Variants in ARFGAP3 observed in about 807,000 individuals in gnomAD.
The protein encoded by ARFGAP3 is ADP-ribosylation factor GTPase-activating protein 3.
ARFGAP3 carries 72 observed loss-of-function variants against 75.0 expected under a neutral mutation model. The ratio of observed to expected loss-of-function variants is 0.96; its 90% confidence interval spans 0.79 to 1.17. The LOEUF is 1.17. Ranked by LOEUF, ARFGAP3 falls within the 50% of genes most tolerant of loss-of-function variation. The probability of loss-of-function intolerance (pLI) is 0.00; values close to 1 mark genes in which losing one functional copy is unlikely to be tolerated. For missense variants in ARFGAP3, 620 were observed against 626.6 expected (o/e 0.99, Z 0.11); for synonymous variants, 221 against 217.9 (o/e 1.01, Z -0.13).
intron 1 of ARFGAP3, among the ~76,000 whole-genome samples, chr22:42,854,651 A>G (rs1359116930): frequency 6.6e-6 from 1 of 152,086 alleles, no homozygotes; most frequent in Non-Finnish European, 1.5e-5. Context: ...AAGAAAAAGA[A>G]AAAAGAGAAT....
At chr22:42,807,051 G>A (rs1421145781) in intron 14 of ARFGAP3, 22 bp downstream of exon 14, 4 of 1,592,912 alleles carry the variant, frequency 2.5e-6, no homozygotes, top group East Asian at 2.2e-5. Flanking sequence ...ACAGAGACCA[G>A]CTCTTGTTCA....
At chr22:42,852,214 A>G (rs1222307598) in intron 1 of ARFGAP3, among the ~76,000 whole-genome samples, 2 of 124,360 alleles carry the variant, frequency 1.6e-5, no homozygotes, top group Non-Finnish European at 3.2e-5. Context: ...GCCACCATGC[A>G]TGGCTAATTT....
chr22:42,797,469 A>C lies in ARFGAP3; in HGVS notation c.*119T>G. 1 of 1,239,548 alleles carries C rather than the reference A, an allele frequency of 8.1e-7. No individual in the cohort carries two copies. Among genetic ancestry groups the C allele is most frequent in the Non-Finnish European group, 1.2e-6 (1 of 846,984 alleles). The allele number at this position is 1,239,548 out of a possible 1,614,324, so 76.8% of individuals were successfully genotyped here. A position where few individuals can be genotyped will look rare whatever the true frequency, so the allele number is the denominator to read the frequency against. On this transcript the variant is annotated 3_prime_UTR_variant, in exon 16 of 16. Coordinates refer to ENST00000263245, the MANE Select transcript of ARFGAP3 (RefSeq NM_014570.5). ...ATATTAAAAATCAGAAACATATACC[A>C]TATGAAAAAGTAGCAAAACAATCTG... is the stretch of plus-strand genomic sequence containing the variant.
chr22:42,827,633 C>G (rs1177572744), intron 6 of ARFGAP3, among the ~76,000 whole-genome samples: 1 of 152,082 alleles, frequency 6.6e-6, no homozygotes, highest in African/African-American at 2.4e-5. Flanking sequence ...CCCGAAGTGC[C>G]AGGATTACAG....
chr22:42,855,052 T>C (rs1263091746), intron 1 of ARFGAP3, among the ~76,000 whole-genome samples: 1 of 152,224 alleles, frequency 6.6e-6, no homozygotes, highest in Non-Finnish European at 1.5e-5. Flanking sequence ...TTTCTTGGAT[T>C]ATTCCATTTA....
intron 13 of ARFGAP3, among the ~76,000 whole-genome samples, chr22:42,808,222 A>C (rs1925211189): frequency 2.0e-5 from 3 of 151,606 alleles, no homozygotes; most frequent in Admixed American, 2.0e-4. Flanking sequence ...ATATGGTGAA[A>C]CCTCATCTCT....
At chr22:42,838,196 T>C (rs142371056) in intron 3 of ARFGAP3, among the ~76,000 whole-genome samples, 217 of 151,666 alleles carry the variant, frequency 1.4e-3, no homozygotes, top group African/African-American at 4.6e-3. Flanking sequence ...AGAAAAAAGA[T>C]TGAGAAACTA....
At chr22:42,846,465 T>C (rs906393563) in intron 2 of ARFGAP3, among the ~76,000 whole-genome samples, 29 of 152,152 alleles carry the variant, frequency 1.9e-4, no homozygotes, top group African/African-American at 6.8e-4. Flanking sequence ...AGTCCAAAGG[T>C]GGTGTCTTCT....
At chr22:42,831,868 G>T in intron 5 of ARFGAP3, 1 of 400,762 alleles carries the variant, frequency 2.5e-6, no homozygotes, top group Non-Finnish European at 3.4e-6. Context: ...CTGGAGCCTT[G>T]ACCTCCCAGG....
In ARFGAP3 at chr22:42,835,263, C is replaced by T. The variant is rs138520863; in HGVS notation, c.393+99G>A. On this transcript the variant is annotated intron_variant, in intron 4 of 15. Transcript: ENST00000263245. ...TACTGTACACTAATTCCTTGTAAGACAACTCAGGTAGAAAAGTTTTACTAT... is the reference window on the plus strand; with the variant it reads ...TACTGTACACTAATTCCTTGTAAGATAACTCAGGTAGAAAAGTTTTACTAT... 413 of 1,394,040 alleles carry T rather than the reference C, an allele frequency of 3.0e-4. 2 individuals carry two copies. In the African/African-American group the frequency reaches 5.5e-3, roughly 19 times the overall value. The allele number at this position is 1,394,040 out of a possible 1,614,324, so 86.4% of individuals were successfully genotyped here. A position where few individuals can be genotyped will look rare whatever the true frequency, so the allele number is the denominator to read the frequency against.
intron 15 of ARFGAP3, among the ~76,000 whole-genome samples, chr22:42,798,145 A>C (rs1191144610): frequency 6.6e-6 from 1 of 152,216 alleles, no homozygotes; most frequent in Non-Finnish European, 1.5e-5. Context: ...GGCTTAGCTG[A>C]CCTAAGGGAC....
At chr22:42,827,993 A>G (rs1926115841) in intron 6 of ARFGAP3, among the ~76,000 whole-genome samples, 2 of 152,188 alleles carry the variant, frequency 1.3e-5, no homozygotes, top group African/African-American at 4.8e-5. Context: ...AAAAATAGAT[A>G]AAGTGTAGGC....
intron 2 of ARFGAP3, among the ~76,000 whole-genome samples, chr22:42,841,499 T>G (rs1261471255): frequency 3.3e-5 from 5 of 152,152 alleles, no homozygotes; most frequent in Non-Finnish European, 7.3e-5. Flanking sequence ...GATTTCATGC[T>G]CCTGAAGTGA....
rs1926064543 is a variant in ARFGAP3 at position 42,826,923 on chromosome 22, G to A, written c.625+17C>T. On this transcript the variant is annotated intron_variant, in intron 7 of 15. Transcript: ENST00000263245. ...TCATACACTTTAAATCAGAATGTAG[G>A]ATTTTAAGCATATTACCTAAAGTAG... is the stretch of plus-strand genomic sequence containing the variant. 2 of 1,608,718 alleles carry A rather than the reference G, an allele frequency of 1.2e-6. No individual in the cohort carries two copies. Among genetic ancestry groups the A allele is most frequent in the Admixed American group, 1.7e-5 (1 of 59,250 alleles).
intron 8 of ARFGAP3, among the ~76,000 whole-genome samples, chr22:42,822,855 G>A (rs1404118548): frequency 6.6e-6 from 1 of 151,852 alleles, no homozygotes; most frequent in Non-Finnish European, 1.5e-5. Flanking sequence ...TGTTGACCAA[G>A]CTGGAGTACA....
In ARFGAP3 at chr22:42,796,535, G is replaced by GC. The variant is rs1258393349; in HGVS notation, c.*1052dup. 1.3e-5 allele frequency: 2 copies of GC among 152,218 alleles called. No homozygotes were observed. The highest frequency in any genetic ancestry group is 1.3e-4 in the Admixed American group (2 of 15,282). The allele number at this position is 152,218 out of a possible 1,614,324, so 9.4% of individuals were successfully genotyped here. On this transcript the variant is annotated 3_prime_UTR_variant, in exon 16 of 16. Coordinates refer to ENST00000263245, the MANE Select transcript of ARFGAP3 (RefSeq NM_014570.5). Reference sequence around the variant, plus strand: ...AAAAATGTAGGCAATGCCATCTGCTGCAAGTGTTTATTCTATTTAGAAGTC... The same window carrying GC: ...AAAAATGTAGGCAATGCCATCTGCTGCCAAGTGTTTATTCTATTTAGAAGTC...
intron 1 of ARFGAP3, among the ~76,000 whole-genome samples, chr22:42,854,097 C>T (rs1165160036): frequency 6.6e-6 from 1 of 152,258 alleles, no homozygotes; most frequent in African/African-American, 2.4e-5. Flanking sequence ...CTCCACCACA[C>T]TGTGCTTCAG....
chr22:42,851,240 A>G (rs151310865), intron 1 of ARFGAP3, among the ~76,000 whole-genome samples: 159 of 152,362 alleles, frequency 1.0e-3, no homozygotes, highest in Non-Finnish European at 2.0e-3. Context: ...ATTGTTTCCT[A>G]GTAAGCAAGG....
rs761284105 is a variant in ARFGAP3 at position 42,857,128 on chromosome 22, C to T, written c.55G>A (p.Val19Met). 1 of 1,515,512 alleles carries T rather than the reference C, an allele frequency of 6.6e-7. No individual in the cohort carries two copies. Among genetic ancestry groups the T allele is most frequent in the South Asian group, 1.2e-5 (1 of 80,980 alleles). 93.9% of individuals were successfully genotyped at this position (1,515,512 alleles called of 1,614,324 possible). The stretch of plus-strand genomic sequence containing the variant: ...GCGGCCGCTACCTTGTTAGTGGGCA[C>T]CGAGCGGAGGCGCTTGAAGATGGTC... ...ILTIFKRLRS[V>M]PTNKVCFDCG... Residue 19 changes from valine to methionine, a missense_variant, in exon 1 of 16, where the codon GTG (valine) becomes ATG (methionine). Val to Met is a conservative substitution (Grantham distance 21). Coordinates refer to ENST00000263245, the MANE Select transcript of ARFGAP3 (RefSeq NM_014570.5).
Sources: gnomAD v4.1 joint callset for allele counts (sites outside exome capture counted in the v4.1 genomes callset) on GRCh38, gnomAD v4.1.1 for gene constraint, MANE v1.5 for transcripts, NCBI Gene and HGNC (gene_info 2026-07-23, HGNC 2026-07-21) for gene names.